HDAC5: variants seen among roughly 807,000 people sequenced by gnomAD.
HDAC5 encodes the protein antigen NY-CO-9.
HDAC5 carries 25 observed loss-of-function variants against 133.3 expected under a neutral mutation model. That is an observed-to-expected ratio of 0.19 (90% CI 0.14 to 0.26). The LOEUF is 0.26. HDAC5 is among the 10% of genes least tolerant of loss of function. The probability of loss-of-function intolerance (pLI) is 1.00; values close to 1 mark genes in which losing one functional copy is unlikely to be tolerated. For missense variants in HDAC5, 1,041 were observed against 1,460.5 expected (o/e 0.71, Z 4.68); for synonymous variants, 589 against 610.8 (o/e 0.96, Z 0.53).
At chr17:44,095,645 T>C (rs2051220926) in intron 3 of HDAC5, among the ~76,000 whole-genome samples, 1 of 151,982 alleles carries the variant, frequency 6.6e-6, no homozygotes, top group East Asian at 1.9e-4. Flanking sequence ...AACAGTTTTA[T>C]TGTAATTACC....
chr17:44,090,468 G>A (rs1276453449), intron 11 of HDAC5, among the ~76,000 whole-genome samples: 19 of 147,646 alleles, frequency 1.3e-4, no homozygotes, highest in Middle Eastern at 4.0e-3. Flanking sequence ...TCCGCCTCCT[G>A]GGTTCAAGCA....
chr17:44,105,672 C>T (rs547653814), intron 3 of HDAC5, among the ~76,000 whole-genome samples: 4 of 152,188 alleles, frequency 2.6e-5, no homozygotes, highest in Non-Finnish European at 5.9e-5. Context: ...TGCTCCCTGG[C>T]GGCTGGAAAC....
chr17:44,117,638 C>T lies in HDAC5; in HGVS notation c.-123G>A, dbSNP rs1377141878. On this transcript the variant is annotated 5_prime_UTR_variant, in exon 2 of 27. Coordinates refer to ENST00000682912, the MANE Select transcript of HDAC5 (RefSeq NM_005474.5). This position sits in a 1 kb window ranked among gnomAD's most constrained non-coding sequence, Gnocchi z 4.2. The stretch of plus-strand genomic sequence containing the variant: ...GGACGGGACGGGAGCCCGGGGCCGC[C>T]GTGCCTCTAATGCCCATCCGAGGCC... 14 of 1,172,338 alleles carry T rather than the reference C, an allele frequency of 1.2e-5. No homozygotes were observed. The Admixed American group carries it at 1.4e-4, about 12-fold the overall frequency. 72.6% of individuals were successfully genotyped at this position (1,172,338 alleles called of 1,614,324 possible). A position where few individuals can be genotyped will look rare whatever the true frequency, so the allele number is the denominator to read the frequency against.
chr17:44,080,113 C>T lies in HDAC5; in HGVS notation c.2938G>A (p.Ala980Thr). The T allele has an allele frequency of 6.2e-7, 1 of 1,605,006 alleles. No individual in the cohort carries two copies. The highest frequency in any genetic ancestry group is 8.5e-7 in the Non-Finnish European group (1 of 1,171,996). Reference sequence around the variant, plus strand: ...AATCCCCCAGCAGGCTTACATCTGGCGGTGACAGAGTAGCCACCCAGAGGA... The same window carrying T: ...AATCCCCCAGCAGGCTTACATCTGGTGGTGACAGAGTAGCCACCCAGAGGA... ...LSPLGGYSVT[A>T]RCFGHLTRQL... Residue 980 changes from alanine to threonine, a missense_variant, in exon 23 of 27, where the codon GCC becomes ACC. Physicochemically the swap from Ala to Thr is moderately conservative, Grantham distance 58. Around this residue, in one of 9 missense-constraint regions of HDAC5, gnomAD observed 174 missense variants for 352.7 expected, o/e 0.49. Transcript: ENST00000682912.
chr17:44,083,615 G>A lies in HDAC5; in HGVS notation c.2393C>T (p.Ser798Phe), dbSNP rs1445894862. 1 of 1,614,116 alleles carries A rather than the reference G, an allele frequency of 6.2e-7. No homozygotes were observed. The highest frequency in any genetic ancestry group is 8.5e-7 in the Non-Finnish European group (1 of 1,179,990). The change falls in exon 18 of 27, where the codon TCC (serine) becomes TTC (phenylalanine). Residue 798 changes from serine (S) to phenylalanine (F), a missense_variant. By Grantham distance (155) the Ser-to-Phe change is radical. Coordinates refer to ENST00000682912, the MANE Select transcript of HDAC5 (RefSeq NM_005474.5). ...GCCCACTGCCATGCGCACAGCACTGGAGGAGTGCATCTCATTCCACACGGT... is the reference window on the plus strand; with the variant it reads ...GCCCACTGCCATGCGCACAGCACTGAAGGAGTGCATCTCATTCCACACGGT... The part of the protein sequence containing the change: ...SDTVWNEMHS[S>F]SAVRMAVGCL...
chr17:44,079,896 A>G (rs1469003885), intron 23 of HDAC5, among the ~76,000 whole-genome samples: 2 of 152,112 alleles, frequency 1.3e-5, no homozygotes, highest in Non-Finnish European at 1.5e-5. Context: ...TACATCCTCT[A>G]TCCTCTGCTA....
intron 2 of HDAC5, among the ~76,000 whole-genome samples, chr17:44,114,344 G>C (rs1485181407): frequency 1.3e-5 from 2 of 152,198 alleles, no homozygotes; most frequent in Non-Finnish European, 2.9e-5. Context: ...CTCTGAAGGA[G>C]GCAGAGCCCA....
intron 16 of HDAC5, 97 bp downstream of exon 16, chr17:44,084,458 G>T: frequency 6.7e-7 from 1 of 1,481,722 alleles, no homozygotes. Context: ...ATGCCCGTGG[G>T]GACAACCCTC....
At chr17:44,088,787 A>C (rs572933523) in intron 11 of HDAC5, among the ~76,000 whole-genome samples, 189 bp from the exon 12 acceptor site, 1 of 152,150 alleles carries the variant, frequency 6.6e-6, no homozygotes, top group Non-Finnish European at 1.5e-5. Flanking sequence ...CCATGAATGA[A>C]GAGTTTCACA....
At chr17:44,114,126 C>T (rs1056406908) in intron 2 of HDAC5, among the ~76,000 whole-genome samples, 3 of 152,394 alleles carry the variant, frequency 2.0e-5, no homozygotes, top group Middle Eastern at 3.4e-3. Flanking sequence ...TTGACCCTGC[C>T]TTCTCTGGCC....
intron 3 of HDAC5, among the ~76,000 whole-genome samples, chr17:44,103,467 G>C (rs529085158): frequency 6.6e-6 from 1 of 152,280 alleles, no homozygotes; most frequent in African/African-American, 2.4e-5. Context: ...CCCCTTCCTA[G>C]GGCAAGACAC....
intron 3 of HDAC5, among the ~76,000 whole-genome samples, chr17:44,108,794 G>A (rs1479542804): frequency 6.9e-5 from 10 of 144,652 alleles, no homozygotes; most frequent in Non-Finnish European, 9.0e-5. Context: ...CAAGGCTGCC[G>A]AGCTCCAGGC....
In HDAC5 at chr17:44,109,154, A is replaced by C. The variant is rs563799972; in HGVS notation, c.94+1575T>G. Among the ~76,000 whole-genome samples the C allele has an allele frequency of 2.0e-4, 30 of 152,328 alleles. No individual in the cohort carries two copies. The South Asian group carries it at 5.2e-3, about 26-fold the overall frequency. ...GGCTGCTGCTGGTAGCAAGGAACAG[A>C]GGCGACAGGGCAGGATGGGTGGACC... On this transcript the variant is annotated intron_variant, in intron 3 of 26. Coordinates refer to ENST00000682912, the MANE Select transcript of HDAC5 (RefSeq NM_005474.5).
At position 44,083,922 on chromosome 17, in the gene HDAC5, G is replaced by A. The variant is rs550552324; in HGVS notation, c.2306-68C>T. On this transcript the variant is annotated intron_variant, in intron 16 of 26. Transcript: ENST00000682912. ...GCGGATCACCTGAGGTCAGGAGTTC[G>A]AGACCAGCCTGGACAACATGATGAA... 21 of 1,253,124 alleles carry A rather than the reference G, an allele frequency of 1.7e-5. No homozygotes were observed. The Middle Eastern group carries it at 7.7e-4, about 46-fold the overall frequency. The allele number at this position is 1,253,124 out of a possible 1,614,324, so 77.6% of individuals were successfully genotyped here. A position where few individuals can be genotyped will look rare whatever the true frequency, so the allele number is the denominator to read the frequency against.
chr17:44,109,126 G>GC (rs2052178114), intron 3 of HDAC5, among the ~76,000 whole-genome samples: 1 of 152,232 alleles, frequency 6.6e-6, no homozygotes, highest in Admixed American at 6.5e-5. Flanking sequence ...CCGGCCAACT[G>GC]CTGGCTGCTG....
In HDAC5 at chr17:44,077,534, G is replaced by A. The variant is rs2050175235; in HGVS notation, c.*842C>T. ...GCAGGGGGGCTCTCACCAGCCTGGAGCCCCTCTGCAGGGACCACCTTCTCC... is the reference window on the plus strand; with the variant it reads ...GCAGGGGGGCTCTCACCAGCCTGGAACCCCTCTGCAGGGACCACCTTCTCC... On this transcript the variant is annotated 3_prime_UTR_variant, in exon 27 of 27. Transcript: ENST00000682912. 6.6e-6 allele frequency: 1 copy of A among 152,284 alleles called. No individual in the cohort carries two copies. The highest frequency in any genetic ancestry group is 2.4e-5 in the African/African-American group (1 of 41,444). The allele number at this position is 152,284 out of a possible 1,614,324, so 9.4% of individuals were successfully genotyped here. A position where few individuals can be genotyped will look rare whatever the true frequency, so the allele number is the denominator to read the frequency against.
intron 3 of HDAC5, among the ~76,000 whole-genome samples, chr17:44,108,862 T>C (rs2052159726): frequency 6.6e-6 from 1 of 150,776 alleles, no homozygotes; most frequent in Non-Finnish European, 1.5e-5. Flanking sequence ...AGGGGGAACA[T>C]TCTTAGCCCT....
chr17:44,119,616 C>T (rs888457030), intron 1 of HDAC5, among the ~76,000 whole-genome samples: 1 of 152,198 alleles, frequency 6.6e-6, no homozygotes. Flanking sequence ...GCCCCTGGGC[C>T]CTGTCCACCT....
chr17:44,080,440 T>G lies in HDAC5; in HGVS notation c.2786A>C (p.Asp929Ala). 6.2e-7 allele frequency: 1 copy of G among 1,613,582 alleles called. No homozygotes were observed. The highest frequency in any genetic ancestry group is 8.5e-7 in the Non-Finnish European group (1 of 1,179,892). Reference protein sequence around the residue: ...NVNVAWTGGVDPPIGDVEYLT... With the variant: ...NVNVAWTGGVAPPIGDVEYLT... ...GTACTCCACGTCTCCAATGGGGGGG[T>G]CCACACCTCCTGTCCATGCCACGTT... Residue 929 changes from aspartate to alanine, a missense_variant, in exon 22 of 27, where the codon GAC (aspartate) becomes GCC (alanine). Coordinates refer to ENST00000682912, the MANE Select transcript of HDAC5 (RefSeq NM_005474.5).
Sources: gnomAD v4.1 joint callset for allele counts (sites outside exome capture counted in the v4.1 genomes callset) on GRCh38, gnomAD v4.1.1 for gene constraint, gnomAD v4.1.1 regional missense constraint, Gnocchi (gnomAD v3.1) non-coding constraint, MANE v1.5 for transcripts, NCBI Gene and HGNC (gene_info 2026-07-23, HGNC 2026-07-21) for gene names.